The following FNTB variants were observed in gnomAD, a reference collection of about 807,000 sequenced individuals.
FNTB encodes the protein protein farnesyltransferase subunit beta.
Under a neutral mutation model 59.4 loss-of-function variants are expected in FNTB, and 27 were observed. The ratio of observed to expected loss-of-function variants is 0.45; its 90% CI spans 0.34 to 0.63. The LOEUF (loss-of-function observed/expected upper bound fraction) is 0.63, where lower values mean the gene tolerates loss of function less well. FNTB is among the 20% of genes least tolerant of loss of function. The pLI, the probability that FNTB is intolerant of heterozygous loss-of-function variation, is 0.02. For missense variants in FNTB, 449 were observed against 559.6 expected (o/e 0.80, Z 1.99); for synonymous variants, 230 against 220.7 (o/e 1.04, Z -0.37).
chr14:65,050,091 G>A (rs905182663), intron 9 of FNTB, among the ~76,000 whole-genome samples: 1 of 152,256 alleles, frequency 6.6e-6, no homozygotes, highest in Admixed American at 6.5e-5. Flanking sequence ...ATGTAGACAA[G>A]GGGCAAGTAT....
rs2062876499 is a variant in FNTB at position 65,062,162 on chromosome 14, G to A, written c.*850G>A. On this transcript the variant is annotated 3_prime_UTR_variant, in exon 12 of 12. Coordinates refer to ENST00000246166, the MANE Select transcript of FNTB (RefSeq NM_002028.4). This position sits in a 1 kb window ranked among gnomAD's most constrained non-coding sequence, Gnocchi z 4.3. ...GCCTGCAGGCCGAGGCCCTTCTGGG[G>A]GTTTCTATCTTTCTTCCACCAGACT... 6.6e-6 allele frequency: 1 copy of A among 152,414 alleles called. No homozygotes were observed. The highest frequency in any genetic ancestry group is 1.5e-5 in the Non-Finnish European group (1 of 68,186). The allele number at this position is 152,414 out of a possible 1,614,324, so 9.4% of individuals were successfully genotyped here. A position where few individuals can be genotyped will look rare whatever the true frequency, so the allele number is the denominator to read the frequency against.
chr14:64,988,824 G>C (rs1261161016), intron 1 of FNTB, among the ~76,000 whole-genome samples: 1 of 152,126 alleles, frequency 6.6e-6, no homozygotes, highest in Non-Finnish European at 1.5e-5. Context: ...CACATTATTA[G>C]AGTCTAGGAT....
At chr14:65,004,819 C>T (rs983471563) in intron 2 of FNTB, among the ~76,000 whole-genome samples, 1 of 152,058 alleles carries the variant, frequency 6.6e-6, no homozygotes, top group East Asian at 1.9e-4. Context: ...CCCACCACCA[C>T]ACTCGGCTAA....
At chr14:65,016,929 T>G (rs1474377044) in intron 4 of FNTB, among the ~76,000 whole-genome samples, 1 of 146,026 alleles carries the variant, frequency 6.8e-6, no homozygotes, top group African/African-American at 2.5e-5. Context: ...GGTTTTTTTT[T>G]TTTTTTTTTT....
rs2062220623 is a variant in FNTB, at chr14:65,037,402, CCTTTTTTTTTTT to C, written c.693-3387_693-3376del. Among the ~76,000 whole-genome samples, 31 of 14,530 alleles carry C rather than the reference CCTTTTTTTTTTT, an allele frequency of 2.1e-3. 7 individuals carry two copies. Among genetic ancestry groups the C allele is most frequent in the African/African-American group, 4.9e-3 (17 of 3,442 alleles). The allele number at this position is 14,530 out of a possible 152,430, so 9.5% of individuals were successfully genotyped here. A position where few individuals can be genotyped will look rare whatever the true frequency, so the allele number is the denominator to read the frequency against. On this transcript the variant is annotated intron_variant, in intron 7 of 11. Coordinates refer to ENST00000246166, the MANE Select transcript of FNTB (RefSeq NM_002028.4). The stretch of plus-strand genomic sequence containing the variant: ...ATAGGCGTGAGCCACCACGCCGGGC[CCTTTTTTTTTTT>C]TTTTTTTTTTTTTTTTTTTTTTTTT...
intron 4 of FNTB, among the ~76,000 whole-genome samples, chr14:65,018,149 C>CAAAA: frequency 6.6e-6 from 1 of 151,972 alleles, no homozygotes; most frequent in Non-Finnish European, 1.5e-5. Flanking sequence ...CAAGACCAGT[C>CAAAA]TGGGCGACAT....
In FNTB at chr14:65,042,619, G is replaced by A. The variant is rs568864212; in HGVS notation, c.823-1692G>A. Among the ~76,000 whole-genome samples the A allele has an allele frequency of 1.7e-4, 26 of 152,322 alleles. No individual in the cohort carries two copies. In the South Asian group the frequency reaches 5.4e-3, roughly 32 times the overall value. ...AGCCTGGCATGGTCTGGGGGTTAGG[G>A]ACCCCTGCTCTAATCCAGACTACTC... is the stretch of plus-strand genomic sequence containing the variant. On this transcript the variant is annotated intron_variant, in intron 8 of 11. Transcript: ENST00000246166.
At chr14:64,996,031 G>C (rs974034373) in intron 1 of FNTB, among the ~76,000 whole-genome samples, 1 of 151,142 alleles carries the variant, frequency 6.6e-6, no homozygotes, top group African/African-American at 2.4e-5. Context: ...GCTGAGGCAG[G>C]AGAATCGCTT....
chr14:65,008,043 A>G (rs940455509), intron 2 of FNTB, among the ~76,000 whole-genome samples: 3 of 152,222 alleles, frequency 2.0e-5, no homozygotes, highest in African/African-American at 7.2e-5. Flanking sequence ...ATACAATTTT[A>G]GAATTTCCCA....
intron 1 of FNTB, among the ~76,000 whole-genome samples, chr14:65,002,177 G>T (rs1444966070): frequency 6.6e-6 from 1 of 152,162 alleles, no homozygotes; most frequent in East Asian, 1.9e-4. Flanking sequence ...TCACTACAAA[G>T]ATTAGGAATG....
Position 65,060,870 on chromosome 14 carries a change from CAAAAAAAAAAAA to C in FNTB, c.1183-297_1183-286del, listed in dbSNP as rs58241887. ...CCTGGGCAACAGAGCAAGACTCTCT[CAAAAAAAAAAAA>C]AAAAAAAAAAAAACAGTTTGAGATA... On this transcript the variant is annotated intron_variant, in intron 11 of 11. Coordinates refer to ENST00000246166, the MANE Select transcript of FNTB (RefSeq NM_002028.4). 2.5e-4 allele frequency among the ~76,000 whole-genome samples: 20 copies of C among 79,574 alleles called. No individual in the cohort carries two copies. The Admixed American group carries it at 3.4e-3, about 14-fold the overall frequency. The allele number at this position is 79,574 out of a possible 152,430, so 52.2% of individuals were successfully genotyped here. A position where few individuals can be genotyped will look rare whatever the true frequency, so the allele number is the denominator to read the frequency against.
chr14:65,039,888 G>T (rs1024960388), intron 7 of FNTB, among the ~76,000 whole-genome samples: 3 of 152,136 alleles, frequency 2.0e-5, no homozygotes, highest in African/African-American at 4.8e-5. Context: ...TAGTAGACCT[G>T]TACTCAAAGA....
At chr14:65,039,957 G>A (rs2062308119) in intron 7 of FNTB, among the ~76,000 whole-genome samples, 1 of 152,148 alleles carries the variant, frequency 6.6e-6, no homozygotes, top group Admixed American at 6.5e-5. Context: ...GGGATGCTGG[G>A]GTGGGAGGAT....
intron 1 of FNTB, among the ~76,000 whole-genome samples, chr14:64,993,020 A>G (rs1427576193): frequency 1.3e-5 from 2 of 151,982 alleles, no homozygotes; most frequent in Non-Finnish European, 2.9e-5. Flanking sequence ...ATTTTTTTGT[A>G]GAGACAGGGT....
chr14:65,022,682 A>T (rs1290799414), intron 4 of FNTB, among the ~76,000 whole-genome samples: 1 of 152,206 alleles, frequency 6.6e-6, no homozygotes, highest in Non-Finnish European at 1.5e-5. Context: ...CTTAAAAAAA[A>T]AAAAAGTAGT....
intron 2 of FNTB, chr14:65,006,043 C>T (rs1349027553): frequency 2.4e-6 from 3 of 1,268,784 alleles, no homozygotes; most frequent in Non-Finnish European, 3.2e-6. Flanking sequence ...TTCATCATGT[C>T]TCTTGACTTC....
intron 7 of FNTB, among the ~76,000 whole-genome samples, chr14:65,035,581 G>A (rs528609459): frequency 6.6e-6 from 1 of 152,160 alleles, no homozygotes; most frequent in African/African-American, 2.4e-5. Flanking sequence ...ACGAGCTGGA[G>A]TGTAGTGGTG....
chr14:65,053,199 G>GA lies in FNTB; in HGVS notation c.956-38dup, dbSNP rs775746592. ...GAATTAGGTCATTGATACTTGGCTG[G>GA]ATCTGCCGGGCCCTTACTGACCCTT... On this transcript the variant is annotated intron_variant, in intron 9 of 11. Coordinates refer to ENST00000246166, the MANE Select transcript of FNTB (RefSeq NM_002028.4). 50 of 1,325,506 alleles carry GA rather than the reference G, an allele frequency of 3.8e-5. No individual in the cohort carries two copies. In the East Asian group the frequency reaches 1.4e-3, roughly 38 times the overall value. The allele number at this position is 1,325,506 out of a possible 1,614,324, so 82.1% of individuals were successfully genotyped here. A position where few individuals can be genotyped will look rare whatever the true frequency, so the allele number is the denominator to read the frequency against.
rs368676358 is a variant in FNTB at position 65,019,280 on chromosome 14, A to T, written c.374+3564A>T. On this transcript the variant is annotated intron_variant, in intron 4 of 11. Coordinates refer to ENST00000246166, the MANE Select transcript of FNTB (RefSeq NM_002028.4). ...GACAGGCGGATTACTTGAGGTCAGG[A>T]GTTCGAGACCAGTCTGGCCAACATG... Among the ~76,000 whole-genome samples, 330 of 152,310 alleles carry T rather than the reference A, an allele frequency of 2.2e-3. 2 individuals carry two copies. The highest frequency in any genetic ancestry group is 7.6e-3 in the African/African-American group (314 of 41,580).
Sources: allele counts gnomAD v4.1 joint callset (sites outside exome capture counted in the v4.1 genomes callset), GRCh38; gene constraint gnomAD v4.1.1; non-coding constraint Gnocchi (gnomAD v3.1); transcripts MANE v1.5; gene names NCBI Gene and HGNC (gene_info 2026-07-23, HGNC 2026-07-21).